SDCBP: variants seen among roughly 807,000 people sequenced by gnomAD.
SDCBP encodes syndecan binding protein.
A neutral mutation model predicts 30.5 loss-of-function variants in SDCBP; 22 were observed. The observed-to-expected ratio is 0.72, with a 90% CI of 0.52 to 1.03. The LOEUF (loss-of-function observed/expected upper bound fraction) is 1.03, where lower values mean the gene tolerates loss of function less well. SDCBP is among the 50% of genes least tolerant of loss of function. The pLI is 0.00. For synonymous variants in SDCBP, 103 were observed against 118.7 expected (o/e 0.87, Z 0.86); for missense variants, 304 against 369.9 (o/e 0.82, Z 1.46).
chr8:58,581,866 A>G lies in SDCBP; in HGVS notation c.*126A>G. 1.4e-6 allele frequency: 1 copy of G among 724,398 alleles called. No homozygotes were observed. Among genetic ancestry groups the G allele is most frequent in the Middle Eastern group, 4.0e-4 (1 of 2,528 alleles). The allele number at this position is 724,398 out of a possible 1,614,324, so 44.9% of individuals were successfully genotyped here. On this transcript the variant is annotated 3_prime_UTR_variant, in exon 9 of 9. Coordinates refer to ENST00000260130, the MANE Select transcript of SDCBP (RefSeq NM_005625.4). Reference sequence around the variant, plus strand: ...TGCTGCATGAGGACCTTTCTATCTTACATTATGGCTGGGAATCTTACTCTT... The same window carrying G: ...TGCTGCATGAGGACCTTTCTATCTTGCATTATGGCTGGGAATCTTACTCTT...
chr8:58,580,235 A>AT (rs1422017255), intron 7 of SDCBP, among the ~76,000 whole-genome samples: 1 of 152,218 alleles, frequency 6.6e-6, no homozygotes, highest in Non-Finnish European at 1.5e-5. Context: ...TTGATTTAGA[A>AT]TACACAGTTA....
chr8:58,575,887 A>C lies in SDCBP; in HGVS notation c.241-13A>C. 6.2e-7 allele frequency: 1 copy of C among 1,602,404 alleles called. No individual in the cohort carries two copies. Among genetic ancestry groups the C allele is most frequent in the South Asian group, 1.1e-5 (1 of 90,024 alleles). On this transcript the variant is annotated splice_polypyrimidine_tract_variant and intron_variant, in intron 4 of 8. Transcript: ENST00000260130. Reference sequence around the variant, plus strand: ...GTTTCTAGATATTGACACATTGTATATGGTTTTGTCAGCAGTTGGTAGCAA... The same window carrying C: ...GTTTCTAGATATTGACACATTGTATCTGGTTTTGTCAGCAGTTGGTAGCAA...
intron 2 of SDCBP, among the ~76,000 whole-genome samples, chr8:58,568,160 CACAA>C (rs1274639543): frequency 6.6e-6 from 1 of 152,154 alleles, no homozygotes; most frequent in African/African-American, 2.4e-5. Context: ...TAGTTTAAAA[CACAA>C]ACATTGTACA....
intron 2 of SDCBP, 198 bp from the exon 3 acceptor site, chr8:58,570,689 T>C (rs1463692747): frequency 1.2e-5 from 6 of 500,496 alleles, no homozygotes; most frequent in Non-Finnish European, 2.1e-5. Context: ...CTTAAAAGTA[T>C]TTAGAATATC....
chr8:58,557,776 T>C (rs1804225931), intron 1 of SDCBP, among the ~76,000 whole-genome samples: 1 of 152,160 alleles, frequency 6.6e-6, no homozygotes, highest in South Asian at 2.1e-4. Flanking sequence ...GAAGGTTTGA[T>C]CAAACCCTTA....
rs370441759 is a variant in SDCBP, at chr8:58,578,189, A to G, written c.559A>G (p.Thr187Ala). The part of the protein sequence containing the change: ...VLKQAFGEKI[T>A]MTIRDRPFER... The stretch of plus-strand genomic sequence containing the variant: ...CAAACAGGCTTTTGGAGAGAAGATT[A>G]CCATGACCATTCGTGACAGGTAAGC... Residue 187 changes from threonine (T) to alanine (A), a missense_variant, in exon 6 of 9, where the codon ACC becomes GCC. Coordinates refer to ENST00000260130, the MANE Select transcript of SDCBP (RefSeq NM_005625.4). 110 of 1,571,002 alleles carry G rather than the reference A, an allele frequency of 7.0e-5. No individual in the cohort carries two copies. The highest frequency in any genetic ancestry group is 9.3e-5 in the Non-Finnish European group (108 of 1,162,430).
At chr8:58,561,568 CT>C in intron 1 of SDCBP, 1 of 421,634 alleles carries the variant, frequency 2.4e-6, no homozygotes, top group Non-Finnish European at 4.3e-6. Context: ...TATAGTCAAA[CT>C]GCTGGAAGAA....
In SDCBP at chr8:58,582,089, A is replaced by T. The variant is rs555626507; in HGVS notation, c.*349A>T. ...AAAACCAGTCACCTTTCTCCTAGGT[A>T]ATGAGTAGTGCTGTTCATATTACTT... On this transcript the variant is annotated 3_prime_UTR_variant, in exon 9 of 9. Coordinates refer to ENST00000260130, the MANE Select transcript of SDCBP (RefSeq NM_005625.4). 1.2e-3 allele frequency: 314 copies of T among 265,390 alleles called. No individual in the cohort carries two copies. The highest frequency in any genetic ancestry group is 6.5e-3 in the African/African-American group (289 of 44,556). The allele number at this position is 265,390 out of a possible 1,614,324, so 16.4% of individuals were successfully genotyped here.
At chr8:58,566,312 G>C (rs1804707140) in intron 2 of SDCBP, among the ~76,000 whole-genome samples, 1 of 152,152 alleles carries the variant, frequency 6.6e-6, no homozygotes, top group African/African-American at 2.4e-5. Context: ...CTGTAAGAAT[G>C]ACTAATCTGT....
intron 1 of SDCBP, among the ~76,000 whole-genome samples, chr8:58,562,238 T>C (rs529465813): frequency 1.3e-5 from 2 of 152,152 alleles, no homozygotes; most frequent in South Asian, 4.1e-4. Context: ...ATAGAGGGGA[T>C]GAATGGATTA....
chr8:58,561,769 A>G (rs1236217942), intron 1 of SDCBP: 1 of 690,732 alleles, frequency 1.4e-6, no homozygotes, highest in Non-Finnish European at 2.6e-6. Context: ...ATGGACAAAT[A>G]GAGACCTGCA....
Position 58,575,977 on chromosome 8 carries a change from A to G in SDCBP, c.318A>G (p.Ala106=). The part of the protein sequence containing the change: ...VTGNDVGIRR[A]EIKQGIREVI... Reference sequence around the variant, plus strand: ...GTAATGATGTTGGAATTCGTAGAGCAGAAATTAAGCAAGGGATTCGTGAAG... The same window carrying G: ...GTAATGATGTTGGAATTCGTAGAGCGGAAATTAAGCAAGGGATTCGTGAAG... The change falls in exon 5 of 9, where the codon GCA becomes GCG. Residue 106 remains alanine (A), a synonymous_variant. Transcript: ENST00000260130. The G allele has an allele frequency of 1.2e-6, 2 of 1,613,786 alleles. No individual in the cohort carries two copies. Among genetic ancestry groups the G allele is most frequent in the African/African-American group, 1.3e-5 (1 of 75,048 alleles).
chr8:58,570,663 AT>A (rs1322750768), intron 2 of SDCBP: 17 of 431,668 alleles, frequency 3.9e-5, no homozygotes, highest in African/African-American at 1.2e-4. Context: ...TACTTCTACA[AT>A]TTTTTTGTGA....
intron 6 of SDCBP, among the ~76,000 whole-genome samples, chr8:58,578,601 C>T (rs949408089): frequency 1.3e-5 from 2 of 152,040 alleles, no homozygotes; most frequent in Non-Finnish European, 1.5e-5. Context: ...TTCTGAAAAC[C>T]GTATCAAGAC....
intron 1 of SDCBP, among the ~76,000 whole-genome samples, chr8:58,556,611 A>C (rs1377711691): frequency 6.6e-6 from 1 of 152,132 alleles, no homozygotes; most frequent in Non-Finnish European, 1.5e-5. Flanking sequence ...AGGTGATATT[A>C]TTTGGAAAAC....
chr8:58,581,067 G>A (rs1805659314), intron 8 of SDCBP, among the ~76,000 whole-genome samples: 1 of 152,186 alleles, frequency 6.6e-6, no homozygotes, highest in African/African-American at 2.4e-5. Context: ...TCTGTGCTCA[G>A]GAACTGAGGA....
intron 1 of SDCBP, among the ~76,000 whole-genome samples, chr8:58,559,902 G>C (rs1379658043): frequency 6.6e-6 from 1 of 152,204 alleles, no homozygotes; most frequent in African/African-American, 2.4e-5. Flanking sequence ...CATGGCATGA[G>C]CAAGAGGAAA....
At chr8:58,579,367 A>G (rs904224590) in intron 6 of SDCBP, among the ~76,000 whole-genome samples, 1 of 152,228 alleles carries the variant, frequency 6.6e-6, no homozygotes, top group Admixed American at 6.5e-5. Flanking sequence ...TGATAAAACC[A>G]TATAAAGCAG....
chr8:58,579,085 A>G (rs1805520847), intron 6 of SDCBP, among the ~76,000 whole-genome samples: 2 of 152,208 alleles, frequency 1.3e-5, no homozygotes. Context: ...TAATAGCTGC[A>G]TGCCTCCCTT....
Sources: gnomAD v4.1 joint callset for allele counts (sites outside exome capture counted in the v4.1 genomes callset) on GRCh38, gnomAD v4.1.1 for gene constraint, MANE v1.5 for transcripts, NCBI Gene and HGNC (gene_info 2026-07-23, HGNC 2026-07-21) for gene names.